SPRING1: variants seen among roughly 807,000 people sequenced by gnomAD.
SPRING1 encodes SREBF pathway regulator in golgi 1.
A neutral mutation model predicts 24.7 loss-of-function variants in SPRING1; 14 were observed. The ratio of observed to expected loss-of-function variants is 0.57; its 90% CI spans 0.37 to 0.88. The LOEUF (loss-of-function observed/expected upper bound fraction) is 0.88, where lower values mean the gene tolerates loss of function less well. Among genes scored for constraint, SPRING1 ranks in the 40% least tolerant of loss-of-function variants. The probability of loss-of-function intolerance (pLI) is 0.00; values close to 1 mark genes in which losing one functional copy is unlikely to be tolerated. For synonymous variants in SPRING1, 93 were observed against 106.1 expected (o/e 0.88, Z 0.76); for missense variants, 255 against 268.4 (o/e 0.95, Z 0.35).
chr12:116,737,667 G>A (rs560856703), intron 1 of SPRING1, 123 bp downstream of exon 1: 2 of 1,126,176 alleles, frequency 1.8e-6, no homozygotes, highest in South Asian at 4.1e-5. Flanking sequence ...GGAAGGGAAG[G>A]GGTAGGAAGA....
At position 116,738,031 on chromosome 12, in the gene SPRING1, AG is replaced by A. The variant is rs1410713854; in HGVS notation, c.-132del. On this transcript the variant is annotated 5_prime_UTR_variant, in exon 1 of 5. It adds an upstream start codon to the 5' untranslated region. Coordinates refer to ENST00000261318, the MANE Select transcript of SPRING1 (RefSeq NM_024738.4). ...GCGCCGGCCCCGCCGCCCGCAGCCC[AG>A]TCTGCTCCCGGCAGCCTTGGGCGCA... is the stretch of plus-strand genomic sequence containing the variant. 7.3e-6 allele frequency: 8 copies of A among 1,100,878 alleles called. No individual in the cohort carries two copies. Among genetic ancestry groups the A allele is most frequent in the African/African-American group, 1.7e-5 (1 of 60,020 alleles). The allele number at this position is 1,100,878 out of a possible 1,614,324, so 68.2% of individuals were successfully genotyped here.
chr12:116,731,873 C>T (rs1870992687), intron 1 of SPRING1, among the ~76,000 whole-genome samples: 1 of 152,220 alleles, frequency 6.6e-6, no homozygotes, highest in African/African-American at 2.4e-5. Flanking sequence ...TCTGCTCATC[C>T]TAGTCCCTCA....
chr12:116,714,726 G>A lies in SPRING1; in HGVS notation c.*3084C>T, dbSNP rs1248562809. 1 of 151,628 alleles carries A rather than the reference G, an allele frequency of 6.6e-6. No homozygotes were observed. The highest frequency in any genetic ancestry group is 6.6e-5 in the Admixed American group (1 of 15,182). 9.4% of individuals were successfully genotyped at this position (151,628 alleles called of 1,614,324 possible). On this transcript the variant is annotated 3_prime_UTR_variant, in exon 5 of 5. Coordinates refer to ENST00000261318, the MANE Select transcript of SPRING1 (RefSeq NM_024738.4). ...AGGAGAATTGCTTGAACCCAGGAGG[G>A]GGAGGTTGCAGTGAGCTGAGATCAC...
chr12:116,731,581 C>CA (rs1566061226), intron 1 of SPRING1, among the ~76,000 whole-genome samples: 1 of 151,876 alleles, frequency 6.6e-6, no homozygotes, highest in South Asian at 2.1e-4. Flanking sequence ...CCATATCTAC[C>CA]AAAAAAATAA....
At chr12:116,721,688 C>G (rs376921681) in intron 2 of SPRING1, among the ~76,000 whole-genome samples, 16 of 152,280 alleles carry the variant, frequency 1.1e-4, no homozygotes, top group Admixed American at 3.3e-4. Context: ...TACTCATTTT[C>G]TTTTCAGGGA....
rs748967611 is a variant in SPRING1, at chr12:116,719,917, G to A, written c.421-41C>T. 10 of 1,539,824 alleles carry A rather than the reference G, an allele frequency of 6.5e-6. No homozygotes were observed. In the South Asian group the frequency reaches 1.1e-4, roughly 17 times the overall value. ...TTAGTGCCTGTAATAAATTACCTAAGCCAGCACAAGGTGACCTTGGCTATC... is the reference window on the plus strand; with the variant it reads ...TTAGTGCCTGTAATAAATTACCTAAACCAGCACAAGGTGACCTTGGCTATC... On this transcript the variant is annotated intron_variant, in intron 3 of 4. Transcript: ENST00000261318.
intron 1 of SPRING1, among the ~76,000 whole-genome samples, chr12:116,736,699 C>G (rs987711009): frequency 6.6e-6 from 1 of 152,202 alleles, no homozygotes; most frequent in Non-Finnish European, 1.5e-5. Flanking sequence ...TTCTACACAA[C>G]TAAGCACTCA....
intron 1 of SPRING1, among the ~76,000 whole-genome samples, chr12:116,729,712 A>G (rs1213592069): frequency 6.6e-6 from 1 of 152,222 alleles, no homozygotes; most frequent in South Asian, 2.1e-4. Context: ...GCAAACGCCA[A>G]TCAAAAAAGA....
chr12:116,731,675 A>G (rs1360708208), intron 1 of SPRING1, among the ~76,000 whole-genome samples: 1 of 126,394 alleles, frequency 7.9e-6, no homozygotes, highest in African/African-American at 2.5e-5. Context: ...CCTTGAGCCT[A>G]GGAATTCGAG....
rs573541794 is a variant in SPRING1 at position 116,731,911 on chromosome 12, T to C, written c.111+5879A>G. The stretch of plus-strand genomic sequence containing the variant: ...CTGAATGAGGCCCCCTCTCAGCACA[T>C]GTCCTCCACGGTCACCACGGCTTCT... On this transcript the variant is annotated intron_variant, in intron 1 of 4. Transcript: ENST00000261318. Among the ~76,000 whole-genome samples the C allele has an allele frequency of 9.8e-4, 150 of 152,320 alleles. 1 individual carries two copies. The highest frequency in any genetic ancestry group is 1.9e-3 in the East Asian group (10 of 5,186).
At chr12:116,737,540 TG>T (rs869112167) in intron 1 of SPRING1, among the ~76,000 whole-genome samples, 99,549 of 120,078 alleles carry the variant, frequency 0.83, 40,510 homozygotes, top group East Asian at 0.96. Context: ...AGGAGGAAGG[TG>T]AGGAAGGTAA....
At position 116,729,364 on chromosome 12, in the gene SPRING1, G is replaced by C. The variant is rs144438970; in HGVS notation, c.112-6141C>G. On this transcript the variant is annotated intron_variant, in intron 1 of 4. Transcript: ENST00000261318. The stretch of plus-strand genomic sequence containing the variant: ...ACTACACCAGAATTTGACAGCTGCA[G>C]GTTCCTAAAAGTTCACTGCACACAG... Among the ~76,000 whole-genome samples, 420 of 152,322 alleles carry C rather than the reference G, an allele frequency of 2.8e-3. 1 individual carries two copies. Among genetic ancestry groups the C allele is most frequent in the Middle Eastern group, 0.01 (3 of 294 alleles).
At position 116,728,915 on chromosome 12, in the gene SPRING1, A is replaced by C. The variant is rs1870841026; in HGVS notation, c.112-5692T>G. On this transcript the variant is annotated intron_variant, in intron 1 of 4. Coordinates refer to ENST00000261318, the MANE Select transcript of SPRING1 (RefSeq NM_024738.4). This position sits in a 1 kb window ranked among gnomAD's most constrained non-coding sequence, Gnocchi z 4.2. ...AGCCTTTGGTCCTGGAACCCTTTCT[A>C]ATCTTAAAAATTACTGAGGACCTCA... 6.6e-6 allele frequency among the ~76,000 whole-genome samples: 1 copy of C among 152,198 alleles called. No homozygotes were observed. Among genetic ancestry groups the C allele is most frequent in the Non-Finnish European group, 1.5e-5 (1 of 68,024 alleles).
At chr12:116,735,670 T>C (rs1176769987) in intron 1 of SPRING1, among the ~76,000 whole-genome samples, 1 of 148,900 alleles carries the variant, frequency 6.7e-6, no homozygotes, top group African/African-American at 2.5e-5. Flanking sequence ...GAGGTAGAGG[T>C]TGCAGTGAGC....
chr12:116,728,296 C>A lies in SPRING1; in HGVS notation c.112-5073G>T, dbSNP rs975694000. Among the ~76,000 whole-genome samples, 3 of 152,142 alleles carry A rather than the reference C, an allele frequency of 2.0e-5. No homozygotes were observed. The highest frequency in any genetic ancestry group is 1.3e-4 in the Admixed American group (2 of 15,266). The stretch of plus-strand genomic sequence containing the variant: ...CTTATTTACTATCTCTCCTCCTTAC[C>A]CGCTAGTGGAATATAGGCTCTTGGA... On this transcript the variant is annotated intron_variant, in intron 1 of 4. Coordinates refer to ENST00000261318, the MANE Select transcript of SPRING1 (RefSeq NM_024738.4). The surrounding 1 kb of genome is among the most constrained non-coding windows in gnomAD (Gnocchi z 4.2).
In SPRING1 at chr12:116,720,019, G is replaced by A. The variant is rs181374629; in HGVS notation, c.421-143C>T. On this transcript the variant is annotated intron_variant, in intron 3 of 4. Coordinates refer to ENST00000261318, the MANE Select transcript of SPRING1 (RefSeq NM_024738.4). The surrounding 1 kb of genome is among the most constrained non-coding windows in gnomAD (Gnocchi z 4.0). ...AAAGGAGGGAGGGGAAAGGACACAC[G>A]CGTGCACACACGTGCATGCCAAAAC... 9.4e-5 allele frequency: 72 copies of A among 768,120 alleles called. No individual in the cohort carries two copies. The highest frequency in any genetic ancestry group is 1.4e-4 in the Non-Finnish European group (65 of 470,206). The allele number at this position is 768,120 out of a possible 1,614,324, so 47.6% of individuals were successfully genotyped here.
chr12:116,733,108 A>G (rs1234209787), intron 1 of SPRING1, among the ~76,000 whole-genome samples: 2 of 152,188 alleles, frequency 1.3e-5, no homozygotes, highest in African/African-American at 4.8e-5. Context: ...GACACAGAAG[A>G]AGGCAGGATG....
Position 116,720,251 on chromosome 12 carries a change from C to T in SPRING1, c.420+45G>A. On this transcript the variant is annotated intron_variant, in intron 3 of 4. Coordinates refer to ENST00000261318, the MANE Select transcript of SPRING1 (RefSeq NM_024738.4). The surrounding 1 kb of genome is among the most constrained non-coding windows in gnomAD (Gnocchi z 4.0). ...CCTAATGCTCATCATAAAACAGAGG[C>T]CGAAAGAAAAAAGGAGCCGCAGAAC... 6.4e-7 allele frequency: 1 copy of T among 1,555,634 alleles called. No homozygotes were observed. The highest frequency in any genetic ancestry group is 8.6e-7 in the Non-Finnish European group (1 of 1,156,514).
Position 116,732,170 on chromosome 12 carries a change from TC to T in SPRING1, c.111+5619del, listed in dbSNP as rs139609020. Among the ~76,000 whole-genome samples the T allele has an allele frequency of 2.7e-3, 411 of 152,198 alleles. 2 individuals are homozygous for T. The highest frequency in any genetic ancestry group is 9.4e-3 in the African/African-American group (391 of 41,506). ...AGGACTGCAGCTTGGCTCAGTTAGT[TC>T]CCCAACTGCTGCTGGAGCAGACATA... On this transcript the variant is annotated intron_variant, in intron 1 of 4. Transcript: ENST00000261318.
Sources: allele counts gnomAD v4.1 joint callset (sites outside exome capture counted in the v4.1 genomes callset), GRCh38; gene constraint gnomAD v4.1.1; non-coding constraint Gnocchi (gnomAD v3.1); transcripts MANE v1.5; gene names NCBI Gene and HGNC (gene_info 2026-07-23, HGNC 2026-07-21).